The following TMEM209 variants were observed in gnomAD, a reference collection of about 807,000 sequenced individuals.
TMEM209 encodes the protein transmembrane protein 209.
In TMEM209, 65 loss-of-function variants were observed where a neutral mutation model predicts 76.2. The observed-to-expected ratio is 0.85, with a 90% CI of 0.70 to 1.05. The LOEUF is 1.05. Among genes scored for constraint, TMEM209 ranks in the 50% least tolerant of loss-of-function variants. The pLI, the probability that TMEM209 is intolerant of heterozygous loss-of-function variation, is 0.00. For missense variants in TMEM209, 623 were observed against 685.5 expected (o/e 0.91, Z 1.02); for synonymous variants, 239 against 237.6 (o/e 1.01, Z -0.06).
At chr7:130,178,579 A>G (rs150429612) in intron 9 of TMEM209, 52 bp from the exon 10 acceptor site, 53 of 1,599,372 alleles carry the variant, frequency 3.3e-5, no homozygotes, top group Non-Finnish European at 4.4e-5. Flanking sequence ...TGAGTTTCCA[A>G]AAGAACTTAA....
At chr7:130,201,193 G>A (rs550182601) in intron 5 of TMEM209, among the ~76,000 whole-genome samples, 2 of 150,892 alleles carry the variant, frequency 1.3e-5, no homozygotes, top group South Asian at 4.2e-4. Context: ...AGCAGCTACA[G>A]AGATGTTAGT....
intron 6 of TMEM209, 54 bp from the exon 7 acceptor site, chr7:130,185,421 C>T: frequency 6.6e-7 from 1 of 1,510,982 alleles, no homozygotes; most frequent in Non-Finnish European, 9.1e-7. Flanking sequence ...CTGACATCTA[C>T]AGTTAACACT....
chr7:130,188,574 T>C (rs76218677), intron 6 of TMEM209, among the ~76,000 whole-genome samples: 30,824 of 127,844 alleles, frequency 0.24, 4,548 homozygotes, highest in East Asian at 0.61. Flanking sequence ...CCAGCCGGGG[T>C]GACAGAGTGA....
chr7:130,192,556 G>A (rs1399846332), intron 6 of TMEM209, 66 bp downstream of exon 6: 2 of 1,352,004 alleles, frequency 1.5e-6, no homozygotes, highest in East Asian at 4.8e-5. Context: ...TTAAAATAAT[G>A]AAAATAGTAG....
At chr7:130,182,266 T>C (rs1797447134) in intron 8 of TMEM209, among the ~76,000 whole-genome samples, 1 of 152,266 alleles carries the variant, frequency 6.6e-6, no homozygotes, top group Non-Finnish European at 1.5e-5. Flanking sequence ...TTAAATAACA[T>C]GTTTTTATTT....
At chr7:130,194,628 G>T (rs766827478) in intron 5 of TMEM209, among the ~76,000 whole-genome samples, 1 of 152,114 alleles carries the variant, frequency 6.6e-6, no homozygotes, top group Non-Finnish European at 1.5e-5. Context: ...CTGAATTTCT[G>T]ATGGCTTCTT....
rs772790437 is a variant in TMEM209, at chr7:130,170,486, C to T, written c.1558-13G>A. On this transcript the variant is annotated splice_polypyrimidine_tract_variant and intron_variant, in intron 13 of 14. Coordinates refer to ENST00000397622, the MANE Select transcript of TMEM209 (RefSeq NM_032842.4). ...TATTATTTCTGCCCTGGAACAAAGA[C>T]AAAAAAGACAAGATTTAAACCAAAT... The T allele has an allele frequency of 1.7e-5, 27 of 1,599,156 alleles. No individual in the cohort carries two copies. Among genetic ancestry groups the T allele is most frequent in the Non-Finnish European group, 2.1e-5 (25 of 1,172,330 alleles).
intron 6 of TMEM209, among the ~76,000 whole-genome samples, chr7:130,187,137 G>A (rs917197239): frequency 1.7e-4 from 26 of 151,836 alleles, no homozygotes; most frequent in African/African-American, 6.3e-4. Flanking sequence ...CAGCTACTCA[G>A]GAGGCTAAGG....
At chr7:130,204,842 T>C (rs1798377095) in intron 1 of TMEM209, 1 of 706,336 alleles carries the variant, frequency 1.4e-6, no homozygotes, top group Non-Finnish European at 1.8e-6. Context: ...ATAAAGACTG[T>C]TGTACATCCT....
chr7:130,199,160 T>C (rs1049977612), intron 5 of TMEM209, among the ~76,000 whole-genome samples: 3 of 152,230 alleles, frequency 2.0e-5, no homozygotes, highest in African/African-American at 4.8e-5. Flanking sequence ...AAGTTATTCA[T>C]TGTTAATACT....
chr7:130,198,038 C>G (rs73146719), intron 5 of TMEM209, among the ~76,000 whole-genome samples: 10 of 152,208 alleles, frequency 6.6e-5, no homozygotes, highest in Non-Finnish European at 1.0e-4. Flanking sequence ...TCAGAACATT[C>G]TTGTTCTTCC....
At chr7:130,176,038 T>C (rs1246669012) in intron 10 of TMEM209, among the ~76,000 whole-genome samples, 2 of 151,672 alleles carry the variant, frequency 1.3e-5, no homozygotes, top group Non-Finnish European at 2.9e-5. Context: ...TGTGTATATA[T>C]ATGTGGAAAG....
intron 5 of TMEM209, among the ~76,000 whole-genome samples, chr7:130,194,578 G>C (rs1208970360): frequency 2.0e-5 from 3 of 151,886 alleles, no homozygotes; most frequent in African/African-American, 4.8e-5. Context: ...ACATAGCTTT[G>C]TCAATGTTAC....
chr7:130,184,788 C>A (rs1797539500), intron 7 of TMEM209, among the ~76,000 whole-genome samples: 1 of 152,096 alleles, frequency 6.6e-6, no homozygotes, highest in Non-Finnish European at 1.5e-5. Context: ...CTGTGCCCAG[C>A]CCATTTTTCT....
intron 8 of TMEM209, among the ~76,000 whole-genome samples, chr7:130,182,327 T>C (rs576105134): frequency 1.3e-5 from 2 of 152,348 alleles, no homozygotes; most frequent in Admixed American, 6.5e-5. Context: ...TAAATTTTTC[T>C]TAAAATTTTC....
At chr7:130,169,733 T>TC in intron 14 of TMEM209, among the ~76,000 whole-genome samples, 2 of 149,762 alleles carry the variant, frequency 1.3e-5, no homozygotes, top group Admixed American at 6.6e-5. Flanking sequence ...TCCAAGCCCA[T>TC]CCCCCCTTTT....
chr7:130,178,568 G>GT, intron 9 of TMEM209, 41 bp from the exon 10 acceptor site: 1 of 1,606,854 alleles, frequency 6.2e-7, no homozygotes, highest in South Asian at 1.1e-5. Context: ...TATTCTAAAA[G>GT]TGAGTTTCCA....
At chr7:130,168,072 A>G (rs969032476) in intron 14 of TMEM209, among the ~76,000 whole-genome samples, 1 of 152,164 alleles carries the variant, frequency 6.6e-6, no homozygotes, top group Admixed American at 6.5e-5. Context: ...AGTAAATGAA[A>G]AAGTGCTGCT....
At chr7:130,188,684 C>A (rs1240673858) in intron 6 of TMEM209, among the ~76,000 whole-genome samples, 1 of 149,086 alleles carries the variant, frequency 6.7e-6, no homozygotes, top group East Asian at 2.0e-4. Flanking sequence ...ATGCTAAAAT[C>A]ACTGGGTAAA....
Sources: gnomAD v4.1 joint callset for allele counts (sites outside exome capture counted in the v4.1 genomes callset) on GRCh38, gnomAD v4.1.1 for gene constraint, MANE v1.5 for transcripts, NCBI Gene and HGNC (gene_info 2026-07-23, HGNC 2026-07-21) for gene names.